The following CDK14 variants were observed in gnomAD, a reference collection of about 807,000 sequenced individuals.
CDK14 encodes the protein cyclin dependent kinase 14.
A neutral mutation model predicts 60.7 loss-of-function variants in CDK14; 34 were observed. That is an observed-to-expected ratio of 0.56 (90% CI 0.43 to 0.75). The LOEUF (loss-of-function observed/expected upper bound fraction) is 0.75. Ranked by LOEUF, CDK14 falls within the 30% of genes least tolerant of loss-of-function variation. CDK14 has a pLI of 0.00. For synonymous variants in CDK14, 197 were observed against 203.7 expected (o/e 0.97, Z 0.28); for missense variants, 482 against 564.1 (o/e 0.85, Z 1.47).
intron 11 of CDK14, among the ~76,000 whole-genome samples, chr7:91,048,515 A>G (rs1297839083): frequency 1.3e-5 from 2 of 152,226 alleles, no homozygotes; most frequent in Non-Finnish European, 2.9e-5. Context: ...TCTCTGAAGG[A>G]TAAGTTAGGA....
intron 5 of CDK14, among the ~76,000 whole-genome samples, chr7:90,811,415 T>C (rs78993883): frequency 6.6e-6 from 1 of 151,834 alleles, no homozygotes; most frequent in African/African-American, 2.4e-5. Flanking sequence ...GCTAGCCATA[T>C]GCAGAAAGCT....
chr7:91,062,105 A>C (rs1324614326), intron 11 of CDK14, among the ~76,000 whole-genome samples: 1 of 151,880 alleles, frequency 6.6e-6, no homozygotes, highest in South Asian at 2.1e-4. Context: ...AATGGTGGGC[A>C]CCCCTCCCCC....
In CDK14 at chr7:90,765,172, C is replaced by T. The variant is rs982262058; in HGVS notation, c.464+17397C>T. 5.9e-5 allele frequency among the ~76,000 whole-genome samples: 9 copies of T among 152,190 alleles called. No homozygotes were observed. The East Asian group carries it at 1.7e-3, about 29-fold the overall frequency. On this transcript the variant is annotated intron_variant, in intron 4 of 14. Coordinates refer to ENST00000380050, the MANE Select transcript of CDK14 (RefSeq NM_001287135.2). ...CAAGTAGTGTTACAAATGAGGCCTA[C>T]TGGGAGTCCCAAAGGAAGCCAGATT...
chr7:91,175,924 C>T (rs1480334970), intron 14 of CDK14, among the ~76,000 whole-genome samples: 238 of 131,282 alleles, frequency 1.8e-3, no homozygotes, highest in South Asian at 5.6e-3. Flanking sequence ...AACAAGGATA[C>T]CCAGGAATTG....
chr7:90,678,056 G>A (rs1801236161), intron 2 of CDK14, among the ~76,000 whole-genome samples: 1 of 152,188 alleles, frequency 6.6e-6, no homozygotes, highest in African/African-American at 2.4e-5. Flanking sequence ...TGAATGATTA[G>A]GAGCAGAACT....
intron 1 of CDK14, among the ~76,000 whole-genome samples, chr7:90,598,221 TTGAGTC>T (rs1799236841): frequency 5.9e-5 from 9 of 152,228 alleles, no homozygotes; most frequent in African/African-American, 2.2e-4. Context: ...TTCATTGCAA[TTGAGTC>T]TCAGTAAGAA....
intron 8 of CDK14, among the ~76,000 whole-genome samples, chr7:90,954,655 C>A: frequency 3.3e-4 from 1 of 3,008 alleles, no homozygotes; most frequent in Admixed American, 4.8e-3. Flanking sequence ...GACGGAGTCT[C>A]GCTCTATCAC....
chr7:90,637,345 T>C (rs1395768109), intron 2 of CDK14, among the ~76,000 whole-genome samples: 169 of 151,838 alleles, frequency 1.1e-3, no homozygotes, highest in African/African-American at 2.8e-3. Flanking sequence ...TCTTTGTTCT[T>C]GTTGGTTTCA....
chr7:90,722,976 C>A lies in CDK14; in HGVS notation c.124-3591C>A, dbSNP rs1226135831. Among the ~76,000 whole-genome samples, 5 of 152,118 alleles carry A rather than the reference C, an allele frequency of 3.3e-5. No homozygotes were observed. The East Asian group carries it at 9.6e-4, about 29-fold the overall frequency. On this transcript the variant is annotated intron_variant, in intron 2 of 14. Coordinates refer to ENST00000380050, the MANE Select transcript of CDK14 (RefSeq NM_001287135.2). ...ATTGTATTTTCTAGAACTTAAAATA[C>A]AATGTTAAATCAAAGTGTTTGTGAA... is the stretch of plus-strand genomic sequence containing the variant.
At chr7:91,043,193 G>A (rs995974023) in intron 10 of CDK14, among the ~76,000 whole-genome samples, 2 of 152,194 alleles carry the variant, frequency 1.3e-5, no homozygotes, top group Non-Finnish European at 2.9e-5. Context: ...TATGGATGAG[G>A]ATAATGCCTA....
chr7:91,110,268 TATG>T (rs554410770), intron 12 of CDK14, among the ~76,000 whole-genome samples: 214 of 152,216 alleles, frequency 1.4e-3, no homozygotes, highest in African/African-American at 5.1e-3. Flanking sequence ...CAAATGAAAA[TATG>T]ATTATTGGCA....
At chr7:90,965,007 C>G (rs1282200860) in intron 9 of CDK14, among the ~76,000 whole-genome samples, 4 of 152,124 alleles carry the variant, frequency 2.6e-5, no homozygotes, top group Admixed American at 2.6e-4. Flanking sequence ...TTCAAATTCT[C>G]AAACACAACA....
Position 90,747,783 on chromosome 7 carries a change from C to A in CDK14, c.464+8C>A. ...ATACAAAGGGAAAAGCAAGTAAGTT[C>A]ATTATTTTTGGAATATTTCACATGT... is the stretch of plus-strand genomic sequence containing the variant. On this transcript the variant is annotated splice_region_variant and intron_variant, in intron 4 of 14. Transcript: ENST00000380050. The A allele has an allele frequency of 7.3e-6, 11 of 1,504,818 alleles. No individual in the cohort carries two copies. Among genetic ancestry groups the A allele is most frequent in the South Asian group, 3.9e-5 (3 of 77,090 alleles). 93.2% of individuals were successfully genotyped at this position (1,504,818 alleles called of 1,614,324 possible).
chr7:90,653,211 C>A (rs1209806257), intron 2 of CDK14, among the ~76,000 whole-genome samples: 1 of 152,080 alleles, frequency 6.6e-6, no homozygotes, highest in African/African-American at 2.4e-5. Flanking sequence ...CCCACTTAGG[C>A]TTCTAGAGCC....
At chr7:90,883,132 A>AC (rs1554364424) in intron 6 of CDK14, among the ~76,000 whole-genome samples, 5 of 150,878 alleles carry the variant, frequency 3.3e-5, no homozygotes, top group East Asian at 3.9e-4. Flanking sequence ...TAAAAAAAAA[A>AC]CTCCAAAAAA....
chr7:90,744,234 A>G (rs1803476249), intron 3 of CDK14, among the ~76,000 whole-genome samples: 1 of 152,160 alleles, frequency 6.6e-6, no homozygotes, highest in South Asian at 2.1e-4. Flanking sequence ...GCTGCCTTCA[A>G]GCATCTGTTT....
chr7:90,790,673 A>G (rs377356133), intron 5 of CDK14, 21 bp downstream of exon 5: 3 of 1,554,904 alleles, frequency 1.9e-6, no homozygotes, highest in African/African-American at 2.7e-5. Context: ...TTCCTTGTTG[A>G]TATTGCTTTT....
intron 2 of CDK14, among the ~76,000 whole-genome samples, chr7:90,638,443 A>G (rs1800216930): frequency 6.6e-6 from 1 of 152,232 alleles, no homozygotes; most frequent in Non-Finnish European, 1.5e-5. Flanking sequence ...TTCTTTAAGA[A>G]TGTTGAATAT....
chr7:90,719,401 A>T (rs556536633), intron 2 of CDK14, among the ~76,000 whole-genome samples: 1 of 152,316 alleles, frequency 6.6e-6, no homozygotes, highest in African/African-American at 2.4e-5. Flanking sequence ...TTCAGACCGA[A>T]TGAATTCACT....
Sources: gnomAD v4.1 joint callset for allele counts (sites outside exome capture counted in the v4.1 genomes callset) on GRCh38, gnomAD v4.1.1 for gene constraint, MANE v1.5 for transcripts, NCBI Gene and HGNC (gene_info 2026-07-23, HGNC 2026-07-21) for gene names.